GLIS3: variants seen among roughly 807,000 people sequenced by gnomAD.
The protein encoded by GLIS3 is zinc finger protein GLIS3.
GLIS3 carries 53 observed loss-of-function variants against 78.6 expected under a neutral mutation model. That is an observed-to-expected ratio of 0.67 (90% CI 0.54 to 0.85). The LOEUF is 0.85. GLIS3 is among the 40% of genes least tolerant of loss of function. The pLI is 0.00. For missense variants in GLIS3, 1,703 were observed against 1,231.1 expected (o/e 1.38, Z -5.74); for synonymous variants, 684 against 509.9 (o/e 1.34, Z -4.60).
intron 4 of GLIS3, among the ~76,000 whole-genome samples, chr9:3,986,262 G>C (rs1819733523): frequency 6.6e-6 from 1 of 152,184 alleles, no homozygotes; most frequent in Non-Finnish European, 1.5e-5. Flanking sequence ...TCACTCAGCA[G>C]TTTAGGAGTC....
intron 4 of GLIS3, among the ~76,000 whole-genome samples, chr9:4,099,435 T>C (rs1830203209): frequency 6.7e-6 from 1 of 149,624 alleles, no homozygotes; most frequent in African/African-American, 2.5e-5. Flanking sequence ...GCCTCTGTCT[T>C]TGCACATCAC....
chr9:3,824,587 T>A lies in GLIS3; in HGVS notation c.*3685A>T, dbSNP rs897295120. 6.6e-6 allele frequency: 1 copy of A among 152,430 alleles called. No individual in the cohort carries two copies. Among genetic ancestry groups the A allele is most frequent in the East Asian group, 1.9e-4 (1 of 5,200 alleles). 9.4% of individuals were successfully genotyped at this position (152,430 alleles called of 1,614,324 possible). On this transcript the variant is annotated 3_prime_UTR_variant, in exon 11 of 11. Coordinates refer to ENST00000381971, the MANE Select transcript of GLIS3 (RefSeq NM_001042413.2). ...AAATAACTTATGATTATATGAAACA[T>A]AACTGTGACAAATCACAAAACTATA...
At chr9:4,363,807 C>A in the GLIS3 span, among the ~76,000 whole-genome samples, 7 of 152,142 alleles carry the variant, frequency 4.6e-5, no homozygotes, top group South Asian at 2.1e-4. Context: ...ATTGATCAAC[C>A]CTTAGTACCA....
chr9:4,020,292 GTTTT>G (rs1451418403), intron 4 of GLIS3, among the ~76,000 whole-genome samples: 1 of 152,080 alleles, frequency 6.6e-6, no homozygotes, highest in Non-Finnish European at 1.5e-5. Flanking sequence ...AGTTCTGTTT[GTTTT>G]GTTTTTTTTG....
In GLIS3 at chr9:4,155,760, A is replaced by G. The variant is rs75760455; in HGVS notation, c.389-29819T>C. The stretch of plus-strand genomic sequence containing the variant: ...TTCACGGACGGCTGTACAAGCATAG[A>G]TTGCTAGGCCCATCCCAGAGTTTCT... On this transcript the variant is annotated intron_variant, in intron 2 of 10. Coordinates refer to ENST00000381971, the MANE Select transcript of GLIS3 (RefSeq NM_001042413.2). Among the ~76,000 whole-genome samples, 202 of 152,190 alleles carry G rather than the reference A, an allele frequency of 1.3e-3. 1 individual carries two copies. The East Asian group carries it at 0.036, about 27-fold the overall frequency.
At chr9:4,464,171 T>G in the GLIS3 span, among the ~76,000 whole-genome samples, 1 of 152,236 alleles carries the variant, frequency 6.6e-6, no homozygotes, top group Non-Finnish European at 1.5e-5. Flanking sequence ...GCTCAGCTTA[T>G]GTAGACTTTA....
intron 4 of GLIS3, among the ~76,000 whole-genome samples, chr9:4,108,155 C>A (rs1206487936): frequency 6.6e-6 from 1 of 152,164 alleles, no homozygotes; most frequent in Non-Finnish European, 1.5e-5. Context: ...CTCAGAATTT[C>A]TGTAACATAG....
At chr9:4,302,465 G>C (rs886631887), upstream of GLIS3, among the ~76,000 whole-genome samples, 4 of 152,214 alleles carry the variant, frequency 2.6e-5, no homozygotes, top group African/African-American at 9.7e-5. Flanking sequence ...ATTAACACTT[G>C]TAGGCATTGT....
intron 4 of GLIS3, among the ~76,000 whole-genome samples, chr9:4,015,582 CA>C (rs1185123698): frequency 1.3e-5 from 2 of 152,098 alleles, no homozygotes. Context: ...AAAAGAAGTT[CA>C]ACAACAATAA....
chr9:4,004,123 G>T (rs1399688037), intron 4 of GLIS3, among the ~76,000 whole-genome samples: 6 of 152,166 alleles, frequency 3.9e-5, no homozygotes, highest in South Asian at 2.1e-4. Context: ...TCAAGTAACA[G>T]ACATGAACAA....
chr9:4,040,414 G>A (rs1328268441), intron 4 of GLIS3, among the ~76,000 whole-genome samples: 2 of 151,974 alleles, frequency 1.3e-5, no homozygotes, highest in Non-Finnish European at 2.9e-5. Flanking sequence ...AACTCCCAAA[G>A]TCTCTTTCAA....
the GLIS3 span, among the ~76,000 whole-genome samples, chr9:4,425,235 G>A: frequency 6.6e-6 from 1 of 152,184 alleles, no homozygotes; most frequent in African/African-American, 2.4e-5. Context: ...TTAAGGCACT[G>A]CTGTCCTGAG....
At chr9:4,245,258 G>A (rs1265302469) in intron 2 of GLIS3, among the ~76,000 whole-genome samples, 1 of 152,156 alleles carries the variant, frequency 6.6e-6, no homozygotes, top group African/African-American at 2.4e-5. Context: ...TTATTATTAT[G>A]TCTTTCAGAG....
At chr9:4,483,703 C>G in the GLIS3 span, among the ~76,000 whole-genome samples, 84,197 of 145,564 alleles carry the variant, frequency 0.58, 25,008 homozygotes, top group African/African-American at 0.77. Flanking sequence ...CTGGGCAACA[C>G]GAGTGAGACT....
chr9:3,829,253 C>T (rs936736993), intron 10 of GLIS3, 57 bp downstream of exon 10: 74 of 1,524,450 alleles, frequency 4.9e-5, no homozygotes, highest in Non-Finnish European at 6.2e-5. Flanking sequence ...ACGGGCAGCC[C>T]ACCTGGTCTC....
At chr9:4,125,712 G>T (rs1832522753) in intron 3 of GLIS3, 22 bp downstream of exon 3, 1 of 1,585,796 alleles carries the variant, frequency 6.3e-7, no homozygotes, top group Non-Finnish European at 8.6e-7. Flanking sequence ...AAAGAAAGGG[G>T]AAAAAAAAGT....
intron 4 of GLIS3, among the ~76,000 whole-genome samples, chr9:4,072,721 T>C (rs1827714371): frequency 6.7e-6 from 1 of 149,648 alleles, no homozygotes; most frequent in East Asian, 2.0e-4. Context: ...TGACAGGGTA[T>C]TGGCTTTCTA....
At chr9:4,068,808 T>TTGTG (rs887431626) in intron 4 of GLIS3, among the ~76,000 whole-genome samples, 7 of 124,926 alleles carry the variant, frequency 5.6e-5, no homozygotes, top group South Asian at 3.2e-4. Context: ...TTGTTATTTT[T>TTGTG]TGTGCATGCA....
intron 4 of GLIS3, among the ~76,000 whole-genome samples, chr9:4,075,912 C>G (rs556451427): frequency 1.5e-4 from 23 of 152,130 alleles, no homozygotes; most frequent in Non-Finnish European, 2.5e-4. Context: ...CAAATCTAAT[C>G]TAAAGGAATA....
Sources: gnomAD v4.1 joint callset for allele counts (sites outside exome capture counted in the v4.1 genomes callset) on GRCh38, gnomAD v4.1.1 for gene constraint, MANE v1.5 for transcripts, NCBI Gene and HGNC (gene_info 2026-07-23, HGNC 2026-07-21) for gene names.